CALN1: variants seen among roughly 807,000 people sequenced by gnomAD.
The protein encoded by CALN1 is calneuron 1.
A neutral mutation model predicts 30.6 loss-of-function variants in CALN1; 17 were observed. That is an observed-to-expected ratio of 0.56 (90% CI 0.38 to 0.83). The LOEUF (loss-of-function observed/expected upper bound fraction) is 0.83. Among genes scored for constraint, CALN1 ranks in the 40% least tolerant of loss-of-function variants. CALN1 has a pLI of 0.00. For synonymous variants in CALN1, 156 were observed against 131.4 expected, an observed-to-expected ratio of 1.19 and a Z score of -1.28; for missense variants, 291 against 354.9, an observed-to-expected ratio of 0.82 and a Z score of 1.45.
intron 5 of CALN1, among the ~76,000 whole-genome samples, chr7:71,852,607 A>G (rs1052990075): frequency 6.6e-6 from 1 of 151,586 alleles, no homozygotes; most frequent in Non-Finnish European, 1.5e-5. Context: ...GCCTCAAAAG[A>G]AAAAAAAAGA....
intron 2 of CALN1, among the ~76,000 whole-genome samples, chr7:72,323,678 A>ATT (rs1278332923): frequency 9.2e-6 from 1 of 108,752 alleles, no homozygotes; most frequent in African/African-American, 2.7e-5. Flanking sequence ...AAAAAAATAA[A>ATT]AAATAAAGAG....
chr7:72,204,094 C>T (rs1215812057), intron 3 of CALN1, among the ~76,000 whole-genome samples: 1 of 147,994 alleles, frequency 6.8e-6, no homozygotes, highest in Non-Finnish European at 1.5e-5. Context: ...CGGGTCTACG[C>T]CGTTCTGCCT....
At chr7:71,808,301 CAATT>C (rs2116165553) in intron 6 of CALN1, among the ~76,000 whole-genome samples, 1 of 149,546 alleles carries the variant, frequency 6.7e-6, no homozygotes, top group East Asian at 2.0e-4. Context: ...ATAATGGTAA[CAATT>C]ATTAGTCCAG....
the CALN1 span, among the ~76,000 whole-genome samples, chr7:72,487,245 G>C: frequency 6.6e-6 from 1 of 152,234 alleles, no homozygotes; most frequent in East Asian, 1.9e-4. Context: ...GGCGAGAATG[G>C]TGTGAAAACA....
intron 3 of CALN1, among the ~76,000 whole-genome samples, chr7:72,108,453 T>C (rs1213659772): frequency 6.6e-6 from 1 of 152,240 alleles, no homozygotes; most frequent in Non-Finnish European, 1.5e-5. Flanking sequence ...CCTTCTTCTT[T>C]TCCCTGCCCA....
intron 4 of CALN1, among the ~76,000 whole-genome samples, chr7:72,098,760 G>GCGCGCGCA (rs1806416349): frequency 9.9e-6 from 1 of 101,330 alleles, no homozygotes; most frequent in African/African-American, 4.3e-5. Flanking sequence ...AGCCCATTTG[G>GCGCGCGCA]CGCGCACACA....
chr7:71,783,254 C>T lies in CALN1; in HGVS notation c.*4521G>A. The T allele has an allele frequency of 6.6e-6, 1 of 152,094 alleles. No homozygotes were observed. The highest frequency in any genetic ancestry group is 1.9e-4 in the East Asian group (1 of 5,182). 9.4% of individuals were successfully genotyped at this position (152,094 alleles called of 1,614,324 possible). Reference sequence around the variant, plus strand: ...CAGGGGTTGCAGCTCTGCAGACCTCCTGGTTATACAACCAGGATGTGTGAC... The same window carrying T: ...CAGGGGTTGCAGCTCTGCAGACCTCTTGGTTATACAACCAGGATGTGTGAC... On this transcript the variant is annotated 3_prime_UTR_variant, in exon 7 of 7. Coordinates refer to ENST00000395275, the MANE Select transcript of CALN1 (RefSeq NM_031468.4).
intron 3 of CALN1, among the ~76,000 whole-genome samples, chr7:72,172,584 C>T (rs4719218): frequency 0.75 from 114,363 of 152,176 alleles, 43,384 homozygotes; most frequent in East Asian, 0.96. Flanking sequence ...TCAAAAGGTA[C>T]ATAACACATC....
chr7:72,389,196 A>G (rs1313696473), intron 2 of CALN1, among the ~76,000 whole-genome samples: 3 of 152,184 alleles, frequency 2.0e-5, no homozygotes, highest in African/African-American at 7.2e-5. Context: ...TGTCCCTGGT[A>G]TTCACATCAA....
chr7:72,402,283 G>A (rs1352973350), intron 2 of CALN1, among the ~76,000 whole-genome samples: 2 of 152,144 alleles, frequency 1.3e-5, no homozygotes, highest in Non-Finnish European at 2.9e-5. Flanking sequence ...CCTGTTCCTG[G>A]GTCCCACAGC....
At chr7:72,329,375 G>A (rs1386263160) in intron 2 of CALN1, among the ~76,000 whole-genome samples, 2 of 152,162 alleles carry the variant, frequency 1.3e-5, no homozygotes, top group Non-Finnish European at 2.9e-5. Context: ...GGAAAATATA[G>A]ACTAAGTCAT....
At chr7:72,007,379 CTACTAAA>C (rs1799830685) in intron 5 of CALN1, among the ~76,000 whole-genome samples, 1 of 152,158 alleles carries the variant, frequency 6.6e-6, no homozygotes, top group African/African-American at 2.4e-5. Flanking sequence ...AACCCTGTCT[CTACTAAA>C]CATACAAAAA....
chr7:71,987,609 C>T (rs1378806175), intron 5 of CALN1, among the ~76,000 whole-genome samples: 1 of 152,142 alleles, frequency 6.6e-6, no homozygotes, highest in Non-Finnish European at 1.5e-5. Context: ...GTTACGCAAC[C>T]CCCATGAGAG....
At chr7:72,107,030 A>G (rs535935403) in intron 3 of CALN1, among the ~76,000 whole-genome samples, 1 of 151,780 alleles carries the variant, frequency 6.6e-6, no homozygotes, top group East Asian at 1.9e-4. Flanking sequence ...GAAAAAAAGA[A>G]AAAGAAAGAA....
intron 5 of CALN1, among the ~76,000 whole-genome samples, chr7:71,978,103 TC>T (rs1208824435): frequency 2.7e-5 from 4 of 150,718 alleles, no homozygotes; most frequent in African/African-American, 9.8e-5. Flanking sequence ...TCTGGGAGCT[TC>T]CCCACCATAA....
In CALN1 at chr7:71,787,731, A is replaced by T. The variant is rs772280579; in HGVS notation, c.*44T>A. ...GGAAGAGTCTGCCCGCACGGCATGC[A>T]CATGCGCGGTGAGCTGCAACACAGT... On this transcript the variant is annotated 3_prime_UTR_variant, in exon 7 of 7. Transcript: ENST00000395275. 2.9e-5 allele frequency: 46 copies of T among 1,608,720 alleles called. No individual in the cohort carries two copies. The highest frequency in any genetic ancestry group is 3.7e-5 in the Non-Finnish European group (44 of 1,177,570).
chr7:72,302,651 T>C (rs1321948713), intron 2 of CALN1, among the ~76,000 whole-genome samples: 2 of 151,908 alleles, frequency 1.3e-5, no homozygotes, highest in South Asian at 2.1e-4. Context: ...CCCAGCACTT[T>C]GGGAGGCCAA....
In CALN1 at chr7:72,330,784, T is replaced by TA. The variant is rs200661336; in HGVS notation, c.120-51975dup. On this transcript the variant is annotated intron_variant, in intron 2 of 6. Transcript: ENST00000395275. ...AGCACAGTCCCTTAATGAGGCTTTTTAAAATAGATTGTCACCCTCTCCAAT... is the reference window on the plus strand; with the variant it reads ...AGCACAGTCCCTTAATGAGGCTTTTTAAAAATAGATTGTCACCCTCTCCAAT... Among the ~76,000 whole-genome samples, 5 of 152,216 alleles carry TA rather than the reference T, an allele frequency of 3.3e-5. No individual in the cohort carries two copies. The East Asian group carries it at 9.7e-4, about 29-fold the overall frequency.
chr7:71,825,011 G>C (rs998695968), intron 5 of CALN1, among the ~76,000 whole-genome samples: 1 of 152,166 alleles, frequency 6.6e-6, no homozygotes, highest in Non-Finnish European at 1.5e-5. Flanking sequence ...GGCCAAGCGA[G>C]GTCAGTAGAT....
Sources: gnomAD v4.1 joint callset for allele counts (sites outside exome capture counted in the v4.1 genomes callset) on GRCh38, gnomAD v4.1.1 for gene constraint, MANE v1.5 for transcripts, NCBI Gene and HGNC (gene_info 2026-07-23, HGNC 2026-07-21) for gene names.